Variants in CCDC7 observed in about 807,000 individuals in gnomAD.
The protein encoded by CCDC7 is coiled-coil domain containing 7.
Under a neutral mutation model 196.9 loss-of-function variants are expected in CCDC7, and 183 were observed. That is an observed-to-expected ratio of 0.93 (90% CI 0.82 to 1.05). The LOEUF (loss-of-function observed/expected upper bound fraction) is 1.05. CCDC7 is among the 50% of genes least tolerant of loss of function. The probability of loss-of-function intolerance (pLI) is 0.00; values close to 1 mark genes in which losing one functional copy is unlikely to be tolerated. For missense variants in CCDC7, 1,540 were observed against 1,482.2 expected (o/e 1.04, Z -0.64); for synonymous variants, 525 against 484.6 (o/e 1.08, Z -1.10).
At chr10:32,756,037 C>T (rs544790866) in intron 28 of CCDC7, among the ~76,000 whole-genome samples, 10 of 151,812 alleles carry the variant, frequency 6.6e-5, no homozygotes, top group Non-Finnish European at 8.8e-5. Flanking sequence ...TGAAATGAAG[C>T]GAGAAGAGAA....
chr10:32,834,978 G>A (rs1057195761), intron 33 of CCDC7, 80 bp downstream of exon 34: 4 of 559,000 alleles, frequency 7.2e-6, no homozygotes, highest in Non-Finnish European at 1.3e-5. Flanking sequence ...GATGACAACT[G>A]TAGCTGTAAG....
At chr10:32,742,142 T>C (rs2085957417) in intron 28 of CCDC7, among the ~76,000 whole-genome samples, 1 of 152,210 alleles carries the variant, frequency 6.6e-6, no homozygotes. Flanking sequence ...CTGTAAATAC[T>C]AATATCTTTG....
At chr10:32,562,835 G>A (rs1032005968) in intron 13 of CCDC7, among the ~76,000 whole-genome samples, 12 of 152,166 alleles carry the variant, frequency 7.9e-5, no homozygotes, top group East Asian at 5.8e-4. Context: ...AGGGTATTCA[G>A]TTAGGAAAAG....
chr10:32,743,147 A>T (rs1368398096), intron 28 of CCDC7, among the ~76,000 whole-genome samples: 1 of 152,176 alleles, frequency 6.6e-6, no homozygotes, highest in Non-Finnish European at 1.5e-5. Context: ...TTGTATATGG[A>T]CATGTTTTCA....
chr10:32,638,729 A>G (rs181877898), intron 20 of CCDC7, among the ~76,000 whole-genome samples: 5 of 152,300 alleles, frequency 3.3e-5, no homozygotes, highest in East Asian at 1.9e-4. Context: ...TGGTATCAGG[A>G]TGATGCTGGC....
At chr10:32,688,891 A>T (rs2076759500) in intron 22 of CCDC7, among the ~76,000 whole-genome samples, 162 bp from the exon 24 acceptor site, 1 of 151,992 alleles carries the variant, frequency 6.6e-6, no homozygotes. Context: ...ACCCATTGAA[A>T]CTCTTCTCAC....
At chr10:32,564,579 C>G (rs948311512) in intron 13 of CCDC7, among the ~76,000 whole-genome samples, 1 of 151,030 alleles carries the variant, frequency 6.6e-6, no homozygotes, top group Non-Finnish European at 1.5e-5. Flanking sequence ...CATATTCTCA[C>G]TCATAGGTGG....
chr10:32,746,714 C>T (rs1003794383), intron 28 of CCDC7, among the ~76,000 whole-genome samples: 5 of 152,112 alleles, frequency 3.3e-5, no homozygotes, highest in Non-Finnish European at 7.4e-5. Context: ...CAGCAGACCT[C>T]GGCTAACCAT....
intron 18 of CCDC7, among the ~76,000 whole-genome samples, chr10:32,610,875 A>G (rs910598189): frequency 2.6e-5 from 4 of 152,364 alleles, no homozygotes; most frequent in East Asian, 1.9e-4. Context: ...TAGTGCCACA[A>G]TAAACATATG....
chr10:32,705,430 C>G (rs1478908603), intron 24 of CCDC7, among the ~76,000 whole-genome samples: 2 of 152,208 alleles, frequency 1.3e-5, no homozygotes, highest in East Asian at 3.9e-4. Flanking sequence ...AAAGAACCAG[C>G]TAACATCAAA....
At chr10:32,483,628 G>A (rs1438119220) in intron 8 of CCDC7, among the ~76,000 whole-genome samples, 2 of 152,124 alleles carry the variant, frequency 1.3e-5, no homozygotes, top group East Asian at 3.9e-4. Context: ...TATGGTTTCA[G>A]GTCTAACATT....
At chr10:32,714,206 C>T (rs1289492907) in intron 25 of CCDC7, among the ~76,000 whole-genome samples, 1 of 152,120 alleles carries the variant, frequency 6.6e-6, no homozygotes, top group Non-Finnish European at 1.5e-5. Context: ...GTACTCGGTT[C>T]GTCTCATTGG....
intron 28 of CCDC7, among the ~76,000 whole-genome samples, chr10:32,736,042 A>T (rs527455941): frequency 6.6e-6 from 1 of 152,180 alleles, no homozygotes; most frequent in African/African-American, 2.4e-5. Context: ...CATCAATAGC[A>T]TACTGTCTTG....
At chr10:32,472,519 A>G (rs1324523614) in exon 7 of CCDC7, 1 of 1,588,956 alleles carries the variant, frequency 6.3e-7, no homozygotes, top group Non-Finnish European at 8.6e-7. Flanking sequence ...AAAAGTTGTG[A>G]AGCTCTGGCA....
At chr10:32,571,942 G>A in intron 16 of CCDC7, 49 bp downstream of exon 17, 1 of 1,504,114 alleles carries the variant, frequency 6.6e-7, no homozygotes, top group Non-Finnish European at 8.9e-7. Context: ...ATCTTTATCA[G>A]TTCACATACC....
At chr10:32,797,158 T>C (rs368358507) in intron 29 of CCDC7, among the ~76,000 whole-genome samples, 11 of 151,280 alleles carry the variant, frequency 7.3e-5, no homozygotes, top group African/African-American at 2.4e-4. Context: ...CTGTGGTATG[T>C]GTATGTATAT....
intron 28 of CCDC7, among the ~76,000 whole-genome samples, chr10:32,774,550 T>C (rs2134157671): frequency 6.6e-6 from 1 of 152,290 alleles, no homozygotes. Flanking sequence ...CAGATTTTCT[T>C]GATTCTGTGT....
chr10:32,872,050 T>C (rs957099135), intron 41 of CCDC7, among the ~76,000 whole-genome samples: 5 of 152,062 alleles, frequency 3.3e-5, no homozygotes, highest in African/African-American at 1.2e-4. Flanking sequence ...ATAGGTGTGG[T>C]GTGGTGTGGT....
At position 32,847,764 on chromosome 10, in the gene CCDC7, A is replaced by G. The variant is rs1593406803; in HGVS notation, c.3689-69A>G. 5.3e-6 allele frequency: 5 copies of G among 943,182 alleles called. No homozygotes were observed. The East Asian group carries it at 1.3e-4, about 24-fold the overall frequency. 58.4% of individuals were successfully genotyped at this position (943,182 alleles called of 1,614,324 possible). A position where few individuals can be genotyped will look rare whatever the true frequency, so the allele number is the denominator to read the frequency against. ...AAAAAGAAATTTCAAAAGAAAAAAG[A>G]ACTAAAATACATGTGTAACATAAAT... is the stretch of plus-strand genomic sequence containing the variant. On this transcript the variant is annotated intron_variant, in intron 37 of 41. Transcript: ENST00000639629.
Sources: gnomAD v4.1 joint callset for allele counts (sites outside exome capture counted in the v4.1 genomes callset) on GRCh38, gnomAD v4.1.1 for gene constraint, MANE v1.5 for transcripts, NCBI Gene and HGNC (gene_info 2026-07-23, HGNC 2026-07-21) for gene names.